PALM2AKAP2: variants seen among roughly 807,000 people sequenced by gnomAD.
PALM2AKAP2 encodes PALM2 and AKAP2 fusion.
Under a neutral mutation model 71.5 loss-of-function variants are expected in PALM2AKAP2, and 37 were observed. The ratio of observed to expected loss-of-function variants is 0.52; its 90% CI spans 0.40 to 0.68. The LOEUF (loss-of-function observed/expected upper bound fraction) is 0.68. Ranked by LOEUF, PALM2AKAP2 falls within the 30% of genes least tolerant of loss-of-function variation. The pLI is 0.00. For missense variants in PALM2AKAP2, 1,224 were observed against 1,191.8 expected (o/e 1.03, Z -0.40); for synonymous variants, 468 against 478.8 (o/e 0.98, Z 0.29).
At position 110,131,157 on chromosome 9, in the gene PALM2AKAP2, G is replaced by A. The variant is rs530244207; in HGVS notation, c.157-4970G>A. On this transcript the variant is annotated intron_variant, in intron 1 of 3. Transcript: ENST00000374525. ...GCACACAGCTGTATTAAATTGCCCC[G>A]ATCAAGTATGTGAAAGTAAATGGTA... 7.2e-5 allele frequency among the ~76,000 whole-genome samples: 11 copies of A among 152,200 alleles called. No individual in the cohort carries two copies. In the East Asian group the frequency reaches 1.7e-3, roughly 24 times the overall value.
At chr9:110,040,410 A>G (rs1050198603) in intron 7 of PALM2AKAP2, among the ~76,000 whole-genome samples, 1 of 152,222 alleles carries the variant, frequency 6.6e-6, no homozygotes, top group Non-Finnish European at 1.5e-5. Context: ...TAATATGTTC[A>G]GTATACTAGA....
At chr9:110,139,523 A>G (rs561080250) in intron 2 of PALM2AKAP2, among the ~76,000 whole-genome samples, 2 of 152,316 alleles carry the variant, frequency 1.3e-5, no homozygotes, top group Admixed American at 6.5e-5. Flanking sequence ...TTACAAAACT[A>G]TTGCTTCATA....
intron 3 of PALM2AKAP2, among the ~76,000 whole-genome samples, chr9:110,167,476 C>G (rs61600436): frequency 0.52 from 79,139 of 151,944 alleles, 21,018 homozygotes; most frequent in East Asian, 0.86. Flanking sequence ...TCTGGAATCT[C>G]TTCTTGATCA....
chr9:110,163,359 A>T (rs1450700327), intron 3 of PALM2AKAP2, among the ~76,000 whole-genome samples: 1 of 152,212 alleles, frequency 6.6e-6, no homozygotes, highest in Non-Finnish European at 1.5e-5. Context: ...ATAATATAAG[A>T]TAATAAAATA....
intron 4 of PALM2AKAP2, 145 bp downstream of exon 4, chr9:109,923,994 G>A: frequency 1.2e-6 from 1 of 853,784 alleles, no homozygotes; most frequent in Non-Finnish European, 1.7e-6. Flanking sequence ...AGATGTGTGA[G>A]GACCAGGGGC....
intron 1 of PALM2AKAP2, among the ~76,000 whole-genome samples, chr9:109,792,432 A>T (rs574931525): frequency 1.3e-5 from 2 of 152,292 alleles, no homozygotes; most frequent in African/African-American, 4.8e-5. Context: ...CAGCACTAAA[A>T]TTGACTTTCT....
chr9:109,943,127 T>G, intron 6 of PALM2AKAP2: 1 of 1,614,250 alleles, frequency 6.2e-7, no homozygotes, highest in Non-Finnish European at 8.5e-7. Flanking sequence ...GTCACCATGA[T>G]TTTTATGGGC....
At chr9:110,032,965 C>T (rs1033423262) in intron 7 of PALM2AKAP2, among the ~76,000 whole-genome samples, 1 of 151,722 alleles carries the variant, frequency 6.6e-6, no homozygotes, top group East Asian at 1.9e-4. Context: ...TATTGAATGT[C>T]GTATTATATG....
intron 1 of PALM2AKAP2, among the ~76,000 whole-genome samples, chr9:109,807,158 A>G (rs73533218): frequency 0.036 from 5,447 of 152,116 alleles, 190 homozygotes; most frequent in East Asian, 0.13. Context: ...GAGAAAAAAA[A>G]GTCCAGAATG....
intron 6 of PALM2AKAP2, among the ~76,000 whole-genome samples, chr9:110,011,242 T>G (rs1400993872): frequency 6.7e-6 from 1 of 149,138 alleles, no homozygotes; most frequent in Non-Finnish European, 1.5e-5. Flanking sequence ...CTATTATATA[T>G]ATATATACTT....
chr9:109,908,528 C>T (rs1388519155), intron 3 of PALM2AKAP2, among the ~76,000 whole-genome samples: 1 of 152,194 alleles, frequency 6.6e-6, no homozygotes, highest in African/African-American at 2.4e-5. Flanking sequence ...AGATATTTTA[C>T]CAAGTGCAAA....
At chr9:109,864,796 G>A (rs1224633187) in intron 1 of PALM2AKAP2, among the ~76,000 whole-genome samples, 10 of 152,132 alleles carry the variant, frequency 6.6e-5, no homozygotes, top group Admixed American at 1.3e-4. Flanking sequence ...TCCACCTTAT[G>A]TATGAATGCC....
intron 1 of PALM2AKAP2, among the ~76,000 whole-genome samples, chr9:110,108,305 T>C (rs1835165690): frequency 6.6e-6 from 1 of 151,168 alleles, no homozygotes; most frequent in Non-Finnish European, 1.5e-5. Context: ...TAGAGACAGG[T>C]TTTCACCATG....
At chr9:109,955,879 G>C (rs751502504) in intron 6 of PALM2AKAP2, among the ~76,000 whole-genome samples, 5 of 151,920 alleles carry the variant, frequency 3.3e-5, no homozygotes, top group Non-Finnish European at 5.9e-5. Flanking sequence ...GGAGGTTGCA[G>C]TGAGCCGAGA....
intron 3 of PALM2AKAP2, among the ~76,000 whole-genome samples, chr9:109,886,998 A>C (rs1343801176): frequency 6.6e-6 from 1 of 152,242 alleles, no homozygotes; most frequent in Non-Finnish European, 1.5e-5. Context: ...GCTTTTAAAA[A>C]ATCAGGATAG....
intron 1 of PALM2AKAP2, among the ~76,000 whole-genome samples, chr9:110,055,445 T>C (rs1833815822): frequency 6.6e-6 from 1 of 152,274 alleles, no homozygotes; most frequent in East Asian, 1.9e-4. Context: ...TCTGCCCACC[T>C]TGGGCAATCC....
intron 1 of PALM2AKAP2, among the ~76,000 whole-genome samples, chr9:110,086,607 C>T (rs1275344399): frequency 1.3e-5 from 2 of 152,190 alleles, no homozygotes; most frequent in African/African-American, 4.8e-5. Context: ...TGTGTACATG[C>T]ACATGCATTA....
chr9:109,726,564 T>C (rs1475398280), intron 1 of PALM2AKAP2, among the ~76,000 whole-genome samples: 6 of 152,224 alleles, frequency 3.9e-5, no homozygotes, highest in Non-Finnish European at 7.3e-5. Context: ...CCTGCTTAAA[T>C]TAAATGTTTG....
chr9:109,648,881 T>C (rs1827187207), intron 1 of PALM2AKAP2, among the ~76,000 whole-genome samples: 1 of 152,244 alleles, frequency 6.6e-6, no homozygotes, highest in African/African-American at 2.4e-5. Context: ...GTTGTTTCTA[T>C]GAACAAACAA....
Sources: allele counts gnomAD v4.1 joint callset (sites outside exome capture counted in the v4.1 genomes callset), GRCh38; gene constraint gnomAD v4.1.1; transcripts MANE v1.5; gene names NCBI Gene and HGNC (gene_info 2026-07-23, HGNC 2026-07-21).